Variants in REV3L observed in about 807,000 individuals in gnomAD.
The protein encoded by REV3L is DNA polymerase zeta catalytic subunit.
REV3L carries 69 observed loss-of-function variants against 299.4 expected under a neutral mutation model. The ratio of observed to expected loss-of-function variants is 0.23; its 90% CI spans 0.19 to 0.28. The LOEUF (loss-of-function observed/expected upper bound fraction) is 0.28, where lower values mean the gene tolerates loss of function less well. REV3L is among the 10% of genes least tolerant of loss of function. REV3L has a pLI of 1.00. For missense variants in REV3L, 3,128 were observed against 3,693.8 expected (o/e 0.85, Z 3.97); for synonymous variants, 1,238 against 1,271.4 (o/e 0.97, Z 0.56).
In REV3L at chr6:111,380,702, C is replaced by G. The variant is rs17539532; in HGVS notation, c.1217-483G>C. Among the ~76,000 whole-genome samples the G allele has an allele frequency of 2.5e-3, 387 of 152,340 alleles. 1 individual carries two copies. The highest frequency in any genetic ancestry group is 3.5e-3 in the Non-Finnish European group (241 of 68,024). On this transcript the variant is annotated intron_variant, in intron 10 of 31. Coordinates refer to ENST00000368802, the MANE Select transcript of REV3L (RefSeq NM_001372078.1). Reference sequence around the variant, plus strand: ...CTATCAAAGTTGATCCTTGGACCACCTGCATTAGAGTAATTTAGGGACATT... The same window carrying G: ...CTATCAAAGTTGATCCTTGGACCACGTGCATTAGAGTAATTTAGGGACATT...
At chr6:111,466,972 A>G (rs369666305) in intron 1 of REV3L, among the ~76,000 whole-genome samples, 1 of 152,248 alleles carries the variant, frequency 6.6e-6, no homozygotes, top group East Asian at 1.9e-4. Context: ...AAACATGTAT[A>G]AAGATGTTAG....
intron 20 of REV3L, chr6:111,348,815 A>G (rs1356529103): frequency 1.3e-5 from 2 of 152,604 alleles, no homozygotes; most frequent in South Asian, 2.1e-4. Context: ...ACATCCAGCT[A>G]ATTTTTTTTA....
Position 111,381,312 on chromosome 6 carries a change from C to T in REV3L, c.1216+13G>A, listed in dbSNP as rs752833687. ...TTACAATACTGAATATTTATGGTAG[C>T]ACTGTTACTTACTGAAAACAGGTGA... On this transcript the variant is annotated intron_variant, in intron 10 of 31. Coordinates refer to ENST00000368802, the MANE Select transcript of REV3L (RefSeq NM_001372078.1). 6.2e-7 allele frequency: 1 copy of T among 1,612,440 alleles called. No homozygotes were observed. The highest frequency in any genetic ancestry group is 1.1e-5 in the South Asian group (1 of 90,870).
chr6:111,307,654 G>A (rs981952716), intron 30 of REV3L, 84 bp from the exon 31 acceptor site: 15 of 1,288,746 alleles, frequency 1.2e-5, no homozygotes, highest in Non-Finnish European at 1.7e-5. Context: ...GGTTTACTCA[G>A]GCATTCATTC....
chr6:111,464,020 C>T (rs971238727), intron 1 of REV3L, among the ~76,000 whole-genome samples: 1 of 152,066 alleles, frequency 6.6e-6, no homozygotes, highest in African/African-American at 2.4e-5. Context: ...AATTAGCTCC[C>T]ATCACTGATT....
intron 10 of REV3L, among the ~76,000 whole-genome samples, chr6:111,380,763 T>C (rs1394042246): frequency 5.9e-5 from 9 of 152,270 alleles, no homozygotes; most frequent in Admixed American, 5.9e-4. Flanking sequence ...CAGCCAGGGC[T>C]GCCTGGGACT....
At chr6:111,471,076 G>C (rs890675451) in intron 1 of REV3L, among the ~76,000 whole-genome samples, 2 of 152,042 alleles carry the variant, frequency 1.3e-5, no homozygotes, top group African/African-American at 4.8e-5. Flanking sequence ...GAGAGGTGAA[G>C]CTCTGGGCAA....
chr6:111,429,585 C>T (rs77267158), intron 1 of REV3L, among the ~76,000 whole-genome samples: 3,597 of 151,976 alleles, frequency 0.024, 59 homozygotes, highest in Admixed American at 0.063. Context: ...AACAGTAATA[C>T]TTATAGCAAC....
In REV3L at chr6:111,303,165, C is replaced by CT. The variant is rs1189398273; in HGVS notation, c.9253-3010dup. Among the ~76,000 whole-genome samples, 308 of 92,318 alleles carry CT rather than the reference C, an allele frequency of 3.3e-3. 4 individuals are homozygous for CT. The highest frequency in any genetic ancestry group is 0.012 in the South Asian group (32 of 2,590). 60.6% of individuals were successfully genotyped at this position (92,318 alleles called of 152,430 possible). The stretch of plus-strand genomic sequence containing the variant: ...AATGTACTGAGGCTTTCTTTTCTTT[C>CT]TTTTTTTTTTTTTTTTTGAGATGAG... On this transcript the variant is annotated intron_variant, in intron 31 of 31. Coordinates refer to ENST00000368802, the MANE Select transcript of REV3L (RefSeq NM_001372078.1).
intron 28 of REV3L, 24 bp from the exon 29 acceptor site, chr6:111,311,283 G>T (rs1472775921): frequency 5.1e-6 from 8 of 1,555,652 alleles, no homozygotes; most frequent in Non-Finnish European, 7.0e-6. Context: ...AGATATGCAA[G>T]TAAAGATAAA....
chr6:111,390,069 A>C lies in REV3L; in HGVS notation c.757+17T>G, dbSNP rs1781758988. On this transcript the variant is annotated intron_variant, in intron 6 of 31. Coordinates refer to ENST00000368802, the MANE Select transcript of REV3L (RefSeq NM_001372078.1). ...TTAAAAAATAAAAACATATATTAAG[A>C]ATAATTGTGTATGAACCTTCAATGT... The C allele has an allele frequency of 6.5e-7, 1 of 1,530,364 alleles. No homozygotes were observed. The highest frequency in any genetic ancestry group is 9.0e-7 in the Non-Finnish European group (1 of 1,105,402). 94.8% of individuals were successfully genotyped at this position (1,530,364 alleles called of 1,614,324 possible).
chr6:111,365,315 T>C lies in REV3L; in HGVS notation c.6703A>G (p.Lys2235Glu). ...CTAAGAGTGTCAGTATTACTTCCTTTCTTATTACTCAACTTCTGTGTTTTT... is the reference window on the plus strand; with the variant it reads ...CTAAGAGTGTCAGTATTACTTCCTTCCTTATTACTCAACTTCTGTGTTTTT... Reference protein sequence around the residue: ...EPKTQKLSNKKGSNTDTLRRV... With the variant: ...EPKTQKLSNKEGSNTDTLRRV... Residue 2235 changes from lysine to glutamate, a missense_variant, in exon 15 of 32, where the codon AAA becomes GAA. Physicochemically the swap from Lys to Glu is moderately conservative, Grantham distance 56. Transcript: ENST00000368802. 1.3e-6 allele frequency: 2 copies of C among 1,576,294 alleles called. No homozygotes were observed. Among genetic ancestry groups the C allele is most frequent in the Non-Finnish European group, 1.7e-6 (2 of 1,161,342 alleles).
At chr6:111,363,757 C>T in intron 16 of REV3L, 96 bp downstream of exon 16, 3 of 1,181,182 alleles carry the variant, frequency 2.5e-6, no homozygotes, top group Non-Finnish European at 2.4e-6. Flanking sequence ...ATTCAATATA[C>T]TCCTCCCTTG....
At position 111,430,231 on chromosome 6, in the gene REV3L, A is replaced by G. The variant is rs1353069222; in HGVS notation, c.140-13759T>C. Reference sequence around the variant, plus strand: ...CAAGAAGAAGTAGAACAGATACCCCACCCCTTCAAGAAGCTTTGAATCAAC... The same window carrying G: ...CAAGAAGAAGTAGAACAGATACCCCGCCCCTTCAAGAAGCTTTGAATCAAC... On this transcript the variant is annotated intron_variant, in intron 1 of 31. Coordinates refer to ENST00000368802, the MANE Select transcript of REV3L (RefSeq NM_001372078.1). The G allele has an allele frequency of 4.7e-6, 4 of 844,264 alleles. No homozygotes were observed. In the African/African-American group the frequency reaches 5.0e-5, roughly 11 times the overall value. The allele number at this position is 844,264 out of a possible 1,614,324, so 52.3% of individuals were successfully genotyped here. A position where few individuals can be genotyped will look rare whatever the true frequency, so the allele number is the denominator to read the frequency against.
chr6:111,392,812 A>T, intron 5 of REV3L, 64 bp downstream of exon 5: 1 of 1,022,170 alleles, frequency 9.8e-7, no homozygotes, highest in East Asian at 2.4e-5. Context: ...TATGGTAACC[A>T]CTGATTTCTG....
intron 19 of REV3L, among the ~76,000 whole-genome samples, chr6:111,349,860 T>C (rs1480835452): frequency 6.6e-6 from 1 of 152,242 alleles, no homozygotes; most frequent in African/African-American, 2.4e-5. Context: ...TGACATCATG[T>C]TCACATTCAG....
At chr6:111,319,648 G>T (rs930023966) in intron 26 of REV3L, among the ~76,000 whole-genome samples, 1 of 152,044 alleles carries the variant, frequency 6.6e-6, no homozygotes, top group Non-Finnish European at 1.5e-5. Context: ...ATAACTAAAC[G>T]TTTAATTGGA....
At chr6:111,386,862 C>T (rs1333762129) in intron 9 of REV3L, among the ~76,000 whole-genome samples, 1 of 151,740 alleles carries the variant, frequency 6.6e-6, no homozygotes, top group Non-Finnish European at 1.5e-5. Flanking sequence ...GCTGGGATTA[C>T]AGGTGTGCGC....
chr6:111,316,339 T>C (rs1182812303), intron 26 of REV3L, among the ~76,000 whole-genome samples: 1 of 151,794 alleles, frequency 6.6e-6, no homozygotes, highest in Non-Finnish European at 1.5e-5. Flanking sequence ...TGGGAGAAGT[T>C]CCCTTAAGGC....
Sources: gnomAD v4.1 joint callset for allele counts (sites outside exome capture counted in the v4.1 genomes callset) on GRCh38, gnomAD v4.1.1 for gene constraint, MANE v1.5 for transcripts, NCBI Gene and HGNC (gene_info 2026-07-23, HGNC 2026-07-21) for gene names.